The following SDK1 variants were observed in gnomAD, a reference collection of about 807,000 sequenced individuals.
SDK1 encodes the protein sidekick cell adhesion molecule 1.
SDK1 carries 157 observed loss-of-function variants against 245.5 expected under a neutral mutation model. The ratio of observed to expected loss-of-function variants is 0.64; its 90% CI spans 0.56 to 0.73. SDK1 has a LOEUF of 0.73. SDK1 is among the 30% of genes least tolerant of loss of function. The pLI is 0.00. For synonymous variants in SDK1, 1,647 were observed against 1,278.5 expected, an observed-to-expected ratio of 1.29 and a Z score of -6.15; for missense variants, 3,583 against 3,002.3, an observed-to-expected ratio of 1.19 and a Z score of -4.52.
At chr7:4,060,030 C>T (rs771554950) in intron 19 of SDK1, among the ~76,000 whole-genome samples, 43 of 152,018 alleles carry the variant, frequency 2.8e-4, no homozygotes, top group Non-Finnish European at 4.1e-4. Context: ...CAGGCGCCCA[C>T]CACCACACCT....
chr7:3,832,948 G>A (rs1779946257), intron 5 of SDK1, among the ~76,000 whole-genome samples: 1 of 151,900 alleles, frequency 6.6e-6, no homozygotes, highest in Non-Finnish European at 1.5e-5. Flanking sequence ...TTTTGCCCAG[G>A]AATAACTAGC....
Position 3,777,332 on chromosome 7 carries a change from T to C in SDK1, c.714-44118T>C, listed in dbSNP as rs1296293520. Reference sequence around the variant, plus strand: ...TGTTTAATAGATATTCCTAAGCCTTTTTCCAAATAGTTGCATGTTTGAGGA... The same window carrying C: ...TGTTTAATAGATATTCCTAAGCCTTCTTCCAAATAGTTGCATGTTTGAGGA... On this transcript the variant is annotated intron_variant, in intron 4 of 44. Coordinates refer to ENST00000404826, the MANE Select transcript of SDK1 (RefSeq NM_152744.4). Among the ~76,000 whole-genome samples, 2 of 152,246 alleles carry C rather than the reference T, an allele frequency of 1.3e-5. 1 individual carries two copies. Among genetic ancestry groups the C allele is most frequent in the East Asian group, 3.9e-4 (2 of 5,194 alleles).
chr7:4,057,157 C>T (rs145910777), intron 19 of SDK1, among the ~76,000 whole-genome samples: 9 of 152,126 alleles, frequency 5.9e-5, no homozygotes, highest in African/African-American at 1.9e-4. Context: ...CCAGCCCTAC[C>T]AAGTGTTCTG....
At chr7:3,514,882 G>T (rs570476878) in intron 1 of SDK1, among the ~76,000 whole-genome samples, 12 of 152,010 alleles carry the variant, frequency 7.9e-5, no homozygotes, top group African/African-American at 2.9e-4. Context: ...GCATGCGTGC[G>T]CTCTCTCTCT....
At chr7:3,579,358 A>T (rs1200496786) in intron 1 of SDK1, among the ~76,000 whole-genome samples, 1 of 152,354 alleles carries the variant, frequency 6.6e-6, no homozygotes, top group African/African-American at 2.4e-5. Flanking sequence ...CTGGGATGCA[A>T]GGTTGGTTCA....
Position 4,241,911 on chromosome 7 carries a change from C to T in SDK1, c.6249C>T (p.Thr2083=), listed in dbSNP as rs745806088. 1.2e-5 allele frequency: 20 copies of T among 1,612,772 alleles called. No individual in the cohort carries two copies. In the South Asian group the frequency reaches 2.2e-4, roughly 18 times the overall value. The change falls in exon 43 of 45, where the codon ACC becomes ACT. Residue 2083 remains threonine (T), a splice_region_variant and synonymous_variant. Transcript: ENST00000404826. ...VKSTFSKKNG[T]RSPPRPSPGG... ...GCACCTTCTCCAAGAAGAACGGGAC[C>T]AGGTAGGCAGGCAGTGCTGTGCTGC...
At chr7:3,640,793 C>A (rs1037649918) in intron 3 of SDK1, among the ~76,000 whole-genome samples, 1 of 151,984 alleles carries the variant, frequency 6.6e-6, no homozygotes, top group East Asian at 1.9e-4. Flanking sequence ...AAGTGATTCT[C>A]CTGCTTCAGC....
rs553233864 is a variant in SDK1 at position 3,567,189 on chromosome 7, G to A, written c.299-51891G>A. Among the ~76,000 whole-genome samples, 7 of 152,258 alleles carry A rather than the reference G, an allele frequency of 4.6e-5. No homozygotes were observed. The East Asian group carries it at 5.8e-4, about 13-fold the overall frequency. On this transcript the variant is annotated intron_variant, in intron 1 of 44. Transcript: ENST00000404826. Reference sequence around the variant, plus strand: ...AACACTGAGGATTTGGTCACTTTTCGTGTTATCTACTTAAGGAGAACAGTG... The same window carrying A: ...AACACTGAGGATTTGGTCACTTTTCATGTTATCTACTTAAGGAGAACAGTG...
chr7:3,752,094 A>G (rs1779791349), intron 4 of SDK1, among the ~76,000 whole-genome samples: 1 of 152,184 alleles, frequency 6.6e-6, no homozygotes, highest in African/African-American at 2.4e-5. Flanking sequence ...AACACTTTCT[A>G]AGTTACTGCC....
intron 40 of SDK1, among the ~76,000 whole-genome samples, chr7:4,224,696 T>C (rs1248572999): frequency 6.6e-6 from 1 of 152,068 alleles, no homozygotes; most frequent in African/African-American, 2.4e-5. Flanking sequence ...CAGGGACCCA[T>C]GGTGCCGAGA....
chr7:3,451,473 G>A (rs960328918), intron 1 of SDK1, among the ~76,000 whole-genome samples: 4 of 152,084 alleles, frequency 2.6e-5, no homozygotes, highest in African/African-American at 9.7e-5. Context: ...ACGGGGAAGG[G>A]AGCTGCCTTG....
intron 1 of SDK1, among the ~76,000 whole-genome samples, chr7:3,495,969 ATACT>A (rs1562522197): frequency 1.3e-5 from 2 of 152,356 alleles, no homozygotes; most frequent in East Asian, 3.9e-4. Context: ...CAACTAGAAC[ATACT>A]TATCTTTTCT....
chr7:3,733,770 G>T (rs548448906), intron 4 of SDK1, among the ~76,000 whole-genome samples: 18 of 152,282 alleles, frequency 1.2e-4, no homozygotes, highest in African/African-American at 4.1e-4. Context: ...CTTAAGGCCT[G>T]TTGCTTCACG....
At chr7:3,614,787 G>T (rs1458771456) in intron 1 of SDK1, among the ~76,000 whole-genome samples, 1 of 152,098 alleles carries the variant, frequency 6.6e-6, no homozygotes, top group African/African-American at 2.4e-5. Flanking sequence ...AAATTCCAGG[G>T]TGTTGACATA....
chr7:3,342,221 T>C (rs924675293), intron 1 of SDK1, among the ~76,000 whole-genome samples: 30 of 152,320 alleles, frequency 2.0e-4, no homozygotes, highest in African/African-American at 7.2e-4. Flanking sequence ...TGATCTAAAT[T>C]TTATATTTTA....
Position 3,423,562 on chromosome 7 carries a change from G to GA in SDK1, c.298+121681dup, listed in dbSNP as rs1333933656. Among the ~76,000 whole-genome samples, 10 of 147,356 alleles carry GA rather than the reference G, an allele frequency of 6.8e-5. No homozygotes were observed. In the South Asian group the frequency reaches 8.4e-4, roughly 12 times the overall value. ...GAACCTGAGTTGTGTTTTAGTCATGGAAACAGTGGCTTTTTTTTTTTTCAG... is the reference window on the plus strand; with the variant it reads ...GAACCTGAGTTGTGTTTTAGTCATGGAAAACAGTGGCTTTTTTTTTTTTCAG... On this transcript the variant is annotated intron_variant, in intron 1 of 44. Coordinates refer to ENST00000404826, the MANE Select transcript of SDK1 (RefSeq NM_152744.4).
rs552903858 is a variant in SDK1 at position 4,174,227 on chromosome 7, G to A, written c.4806G>A (p.Pro1602=). The A allele has an allele frequency of 1.5e-5, 24 of 1,614,062 alleles. No homozygotes were observed. The highest frequency in any genetic ancestry group is 1.2e-4 in the South Asian group (11 of 91,068). ...TSSVLIQWQP[P]RDESLNGLLQ... is the part of the protein sequence containing the mutation. ...TCGGTGTGATGTCTTTGCAGCCTCC[G>A]AGGGACGAAAGCCTGAATGGCCTTC... The change falls in exon 33 of 45, where the codon CCG becomes CCA. Residue 1602 remains proline (P), a synonymous_variant. Coordinates refer to ENST00000404826, the MANE Select transcript of SDK1 (RefSeq NM_152744.4).
intron 8 of SDK1, among the ~76,000 whole-genome samples, chr7:3,959,645 A>G (rs1413873139): frequency 6.6e-6 from 1 of 152,090 alleles, no homozygotes; most frequent in East Asian, 1.9e-4. Flanking sequence ...CTTAGCACCC[A>G]CTTATTAGTG....
At chr7:3,857,989 A>G (rs1398050129) in intron 5 of SDK1, among the ~76,000 whole-genome samples, 5 of 152,224 alleles carry the variant, frequency 3.3e-5, no homozygotes, top group South Asian at 2.1e-4. Context: ...GAAAGACTCA[A>G]TTATGTAAAG....
Sources: allele counts gnomAD v4.1 joint callset (sites outside exome capture counted in the v4.1 genomes callset), GRCh38; gene constraint gnomAD v4.1.1; transcripts MANE v1.5; gene names NCBI Gene and HGNC (gene_info 2026-07-23, HGNC 2026-07-21).